PCDH11X: variants seen among roughly 807,000 people sequenced by gnomAD.
PCDH11X encodes the protein protocadherin-11 X-linked.
PCDH11X carries 18 observed loss-of-function variants against 53.3 expected under a neutral mutation model. The ratio of observed to expected loss-of-function variants is 0.34; its 90% CI spans 0.23 to 0.50. The LOEUF is 0.50. Among genes scored for constraint, PCDH11X ranks in the 20% least tolerant of loss-of-function variants. The pLI is 0.98. For missense variants in PCDH11X, 570 were observed against 1,032.4 expected (o/e 0.55, Z 6.14); for synonymous variants, 279 against 393.3 (o/e 0.71, Z 3.44).
At chrX:92,054,820 C>CAAAAAA (rs1174448342) in intron 6 of PCDH11X, among the ~76,000 whole-genome samples, 9 of 25,277 alleles carry the variant, frequency 3.6e-4, no homozygotes, top group East Asian at 1.4e-3. Flanking sequence ...AACTCTGTCT[C>CAAAAAA]AAAAAAAAAA....
At chrX:91,973,613 C>CTT (rs750179369) in intron 6 of PCDH11X, among the ~76,000 whole-genome samples, 5 of 88,311 alleles carry the variant, frequency 5.7e-5, no homozygotes, top group Non-Finnish European at 8.8e-5. Context: ...GTATATACAA[C>CTT]TTTTTTTTTT....
intron 6 of PCDH11X, among the ~76,000 whole-genome samples, chrX:91,970,428 T>C (rs2061941379): frequency 9.0e-6 from 1 of 111,455 alleles, no homozygotes; most frequent in South Asian, 3.8e-4. Context: ...ATCCTTTAGC[T>C]AGATAGAAAA....
chrX:91,801,512 T>C (rs1396145084), intron 1 of PCDH11X, among the ~76,000 whole-genome samples: 1 of 112,018 alleles, frequency 8.9e-6, no homozygotes, highest in Non-Finnish European at 1.9e-5. Context: ...TTTTCCAGAA[T>C]AAAGTAAACT....
intron 6 of PCDH11X, among the ~76,000 whole-genome samples, chrX:92,067,115 G>T (rs2063620788): frequency 9.0e-6 from 1 of 111,272 alleles, no homozygotes; most frequent in African/African-American, 3.3e-5. Flanking sequence ...TAAATAAACA[G>T]ATAATTAAAA....
At chrX:91,946,558 C>CATAT (rs766671132) in intron 6 of PCDH11X, among the ~76,000 whole-genome samples, 2,393 of 31,513 alleles carry the variant, frequency 0.076, 164 homozygotes, top group Non-Finnish European at 0.085. Context: ...CTGTTTCCCT[C>CATAT]ATATATATAT....
rs773395501 is a variant in PCDH11X, at chrX:92,109,222, T to A, written c.3034-92153T>A. Among the ~76,000 whole-genome samples, 8 of 110,591 alleles carry A rather than the reference T, an allele frequency of 7.2e-5. No individual in the cohort carries two copies. In the East Asian group the frequency reaches 2.3e-3, roughly 32 times the overall value. On this transcript the variant is annotated intron_variant, in intron 6 of 10. Coordinates refer to ENST00000682573, the MANE Select transcript of PCDH11X (RefSeq NM_032968.5). The stretch of plus-strand genomic sequence containing the variant: ...CCTGTCTCTACTAAAAATGCAAAAA[T>A]TAGCTGGGCGTGGTGGCAGGCGCCT...
chrX:91,830,343 A>C (rs1937063745), intron 4 of PCDH11X, among the ~76,000 whole-genome samples: 1 of 111,844 alleles, frequency 8.9e-6, no homozygotes, highest in African/African-American at 3.3e-5. Context: ...TACAATAAGC[A>C]CAGTAAGCAA....
intron 6 of PCDH11X, among the ~76,000 whole-genome samples, chrX:91,975,353 G>T (rs986788124): frequency 6.2e-5 from 7 of 112,179 alleles, no homozygotes; most frequent in African/African-American, 2.3e-4. Context: ...TGGTAACAAT[G>T]CACATGGATC....
intron 6 of PCDH11X, among the ~76,000 whole-genome samples, chrX:91,896,101 G>A (rs1940744482): frequency 9.3e-6 from 1 of 107,295 alleles, no homozygotes; most frequent in Non-Finnish European, 1.9e-5. Context: ...TGGTCTTGGA[G>A]AAATATTTTA....
At chrX:92,085,644 C>T (rs2063938433) in intron 6 of PCDH11X, among the ~76,000 whole-genome samples, 1 of 109,921 alleles carries the variant, frequency 9.1e-6, no homozygotes, top group Non-Finnish European at 1.9e-5. Flanking sequence ...AGAAATTCTA[C>T]CATCTGGCGT....
At chrX:92,147,823 C>CTT (rs1228330860) in intron 6 of PCDH11X, among the ~76,000 whole-genome samples, 7 of 89,776 alleles carry the variant, frequency 7.8e-5, no homozygotes, top group African/African-American at 2.9e-4. Flanking sequence ...TTCTTTCTTT[C>CTT]TTTCTTTCTT....
intron 1 of PCDH11X, among the ~76,000 whole-genome samples, chrX:91,781,404 C>T: frequency 8.9e-6 from 1 of 111,934 alleles, no homozygotes; most frequent in African/African-American, 3.2e-5. Flanking sequence ...ACCTGAGGAG[C>T]ATGCAGAGAA....
chrX:92,383,216 C>T (rs1007420608), intron 8 of PCDH11X, among the ~76,000 whole-genome samples: 23 of 109,962 alleles, frequency 2.1e-4, no homozygotes, highest in African/African-American at 6.3e-4. Flanking sequence ...AAAATATTTA[C>T]TATCTCATTC....
intron 6 of PCDH11X, among the ~76,000 whole-genome samples, chrX:92,031,946 A>G (rs1212021187): frequency 9.0e-6 from 1 of 111,689 alleles, no homozygotes; most frequent in Non-Finnish European, 1.9e-5. Flanking sequence ...TTTTTTCTCA[A>G]GATAGCTTTG....
At chrX:92,203,014 C>T (rs1035460431) in intron 7 of PCDH11X, among the ~76,000 whole-genome samples, 2 of 111,132 alleles carry the variant, frequency 1.8e-5, no homozygotes, top group Non-Finnish European at 3.8e-5. Context: ...CAAAGCAAGA[C>T]TCTGTCTCAA....
In PCDH11X at chrX:92,116,393, C is replaced by T. The variant is rs1341125403; in HGVS notation, c.3034-84982C>T. Reference sequence around the variant, plus strand: ...AACAAAGAGTAACAGCTCTTTCTACCATCTTCTTAGATTTTCAGATTGATC... The same window carrying T: ...AACAAAGAGTAACAGCTCTTTCTACTATCTTCTTAGATTTTCAGATTGATC... On this transcript the variant is annotated intron_variant, in intron 6 of 10. Coordinates refer to ENST00000682573, the MANE Select transcript of PCDH11X (RefSeq NM_032968.5). 3.6e-5 allele frequency among the ~76,000 whole-genome samples: 4 copies of T among 111,681 alleles called. No homozygotes were observed. In the South Asian group the frequency reaches 1.5e-3, roughly 42 times the overall value.
At chrX:92,007,349 C>T (rs1305967175) in intron 6 of PCDH11X, among the ~76,000 whole-genome samples, 1 of 111,842 alleles carries the variant, frequency 8.9e-6, no homozygotes, top group Non-Finnish European at 1.9e-5. Context: ...CTCTTCCCCC[C>T]TCTTTCCAAA....
At chrX:92,057,054 A>C (rs1380336572) in intron 6 of PCDH11X, among the ~76,000 whole-genome samples, 3 of 110,694 alleles carry the variant, frequency 2.7e-5, no homozygotes, top group Admixed American at 2.0e-4. Context: ...CAAAACAAAC[A>C]AACAAAAAAC....
rs1268953024 is a variant in PCDH11X at position 92,452,499 on chromosome X, GTT to G, written c.3344-15784_3344-15783del. Reference sequence around the variant, plus strand: ...TATATATATATATATATATATATATGTTTTTTTTTTTTTTTTTGAGATGGAGT... The same window carrying G: ...TATATATATATATATATATATATATGTTTTTTTTTTTTTTTGAGATGGAGT... On this transcript the variant is annotated intron_variant, in intron 9 of 10. Transcript: ENST00000682573. Among the ~76,000 whole-genome samples, 244 of 35,838 alleles carry G rather than the reference GTT, an allele frequency of 6.8e-3. 1 individual carries two copies. The highest frequency in any genetic ancestry group is 0.025 in the African/African-American group (168 of 6,609). The allele number at this position is 35,838 out of a possible 115,157, so 31.1% of individuals were successfully genotyped here.
Sources: gnomAD v4.1 joint callset for allele counts (sites outside exome capture counted in the v4.1 genomes callset) on GRCh38, gnomAD v4.1.1 for gene constraint, MANE v1.5 for transcripts, NCBI Gene and HGNC (gene_info 2026-07-23, HGNC 2026-07-21) for gene names.